IMMP2L: variants seen among roughly 807,000 people sequenced by gnomAD.
IMMP2L encodes inner mitochondrial membrane peptidase subunit 2.
A neutral mutation model predicts 19.3 loss-of-function variants in IMMP2L; 18 were observed. The observed-to-expected ratio is 0.93, with a 90% CI of 0.64 to 1.38. The LOEUF is 1.38. Ranked by LOEUF, IMMP2L falls within the 40% of genes most tolerant of loss-of-function variation. The probability of loss-of-function intolerance (pLI) is 0.00; values close to 1 mark genes in which losing one functional copy is unlikely to be tolerated. For synonymous variants in IMMP2L, 76 were observed against 73.0 expected (o/e 1.04, Z -0.21); for missense variants, 233 against 218.2 (o/e 1.07, Z -0.43).
At chr7:110,927,552 G>C (rs1278671345) in intron 4 of IMMP2L, among the ~76,000 whole-genome samples, 3 of 152,048 alleles carry the variant, frequency 2.0e-5, no homozygotes, top group Non-Finnish European at 4.4e-5. Flanking sequence ...GTAGAAGAAT[G>C]GTCAAGGAGA....
At chr7:111,226,583 C>T (rs1813128090) in intron 3 of IMMP2L, among the ~76,000 whole-genome samples, 1 of 152,040 alleles carries the variant, frequency 6.6e-6, no homozygotes, top group Non-Finnish European at 1.5e-5. Context: ...GATCATTGCG[C>T]TCTTTGATTT....
intron 4 of IMMP2L, among the ~76,000 whole-genome samples, chr7:110,941,675 C>T (rs1340618294): frequency 1.3e-5 from 2 of 152,054 alleles, no homozygotes; most frequent in Non-Finnish European, 2.9e-5. Context: ...AATTGAAATA[C>T]CTTTATGCTT....
At position 111,201,566 on chromosome 7, in the gene IMMP2L, A is replaced by C. The variant is rs371813392; in HGVS notation, c.240-238001T>G. On this transcript the variant is annotated intron_variant, in intron 3 of 5. Transcript: ENST00000405709. ...ACTCATCTCTAAAAAAAATACAAAAAATTTGCTAGGCATGGTGGCATGTAC... is the reference window on the plus strand; with the variant it reads ...ACTCATCTCTAAAAAAAATACAAAACATTTGCTAGGCATGGTGGCATGTAC... Among the ~76,000 whole-genome samples, 17 of 151,928 alleles carry C rather than the reference A, an allele frequency of 1.1e-4. No homozygotes were observed. In the South Asian group the frequency reaches 2.3e-3, roughly 20 times the overall value.
chr7:111,548,905 G>A (rs1292354047), intron 1 of IMMP2L, among the ~76,000 whole-genome samples: 1 of 152,076 alleles, frequency 6.6e-6, no homozygotes, highest in African/African-American at 2.4e-5. Flanking sequence ...AGGAAATAAT[G>A]TGTCTCTGAC....
intron 5 of IMMP2L, among the ~76,000 whole-genome samples, chr7:110,834,359 A>AGTGTGTGT (rs59237816): frequency 1.1e-4 from 17 of 150,364 alleles, no homozygotes; most frequent in South Asian, 1.0e-3. Flanking sequence ...CAAAGTTAAG[A>AGTGTGTGT]GTGTGTGTGT....
At chr7:111,538,840 G>C (rs78818681) in intron 1 of IMMP2L, among the ~76,000 whole-genome samples, 1 of 142,492 alleles carries the variant, frequency 7.0e-6, no homozygotes, top group Non-Finnish European at 1.5e-5. Flanking sequence ...AAAAAAAAAG[G>C]CTGGGCACAG....
intron 3 of IMMP2L, among the ~76,000 whole-genome samples, chr7:111,425,461 G>A (rs1475760581): frequency 2.6e-5 from 4 of 150,974 alleles, no homozygotes; most frequent in Admixed American, 6.6e-5. Context: ...TTAACAATAC[G>A]CATGTTGAAA....
At chr7:110,737,184 T>C (rs552423926) in intron 5 of IMMP2L, among the ~76,000 whole-genome samples, 40 of 152,200 alleles carry the variant, frequency 2.6e-4, no homozygotes, top group African/African-American at 8.7e-4. Context: ...CACAGACCCT[T>C]TGAAGGAACT....
intron 3 of IMMP2L, among the ~76,000 whole-genome samples, chr7:110,996,999 A>T (rs1166101894): frequency 6.6e-6 from 1 of 152,050 alleles, no homozygotes; most frequent in Non-Finnish European, 1.5e-5. Context: ...ATGTAGATTC[A>T]TGTGCCATCA....
chr7:110,693,925 C>A (rs567089568), intron 5 of IMMP2L, among the ~76,000 whole-genome samples: 1 of 152,226 alleles, frequency 6.6e-6, no homozygotes, highest in East Asian at 1.9e-4. Flanking sequence ...GAGACCCTCG[C>A]AAGTGGGAGG....
intron 3 of IMMP2L, among the ~76,000 whole-genome samples, chr7:111,185,221 A>G (rs763002542): frequency 2.2e-4 from 33 of 152,320 alleles, no homozygotes; most frequent in Non-Finnish European, 4.3e-4. Flanking sequence ...AGCTCCAAAC[A>G]AAAATACTGA....
intron 3 of IMMP2L, among the ~76,000 whole-genome samples, chr7:111,021,345 T>C (rs1396272781): frequency 6.6e-6 from 1 of 152,222 alleles, no homozygotes; most frequent in Non-Finnish European, 1.5e-5. Flanking sequence ...AGGTATAAAT[T>C]GAAAGCAGGT....
At chr7:111,032,538 A>T (rs560461841) in intron 3 of IMMP2L, among the ~76,000 whole-genome samples, 7 of 152,250 alleles carry the variant, frequency 4.6e-5, no homozygotes, top group Admixed American at 4.6e-4. Flanking sequence ...TGGGCAAAAC[A>T]GGGCAGAGTC....
At chr7:110,858,867 C>T (rs915257556) in intron 5 of IMMP2L, among the ~76,000 whole-genome samples, 2 of 151,640 alleles carry the variant, frequency 1.3e-5, no homozygotes, top group Non-Finnish European at 1.5e-5. Flanking sequence ...GGTTTTTTGT[C>T]CTTGTGATAG....
At position 111,500,583 on chromosome 7, in the gene IMMP2L, G is replaced by A. The variant is rs1285996193; in HGVS notation, c.136-13242C>T. Among the ~76,000 whole-genome samples the A allele has an allele frequency of 2.6e-5, 4 of 152,136 alleles. No individual in the cohort carries two copies. The East Asian group carries it at 7.7e-4, about 29-fold the overall frequency. On this transcript the variant is annotated intron_variant, in intron 2 of 5. Transcript: ENST00000405709. ...GTACGGGCAGACTGACACCTCACAT[G>A]GCCGGGTACTCCTCTGAGACAAAAC...
chr7:111,384,783 G>A (rs1208039842), intron 3 of IMMP2L, among the ~76,000 whole-genome samples: 1 of 152,046 alleles, frequency 6.6e-6, no homozygotes, highest in Non-Finnish European at 1.5e-5. Flanking sequence ...ATTTCAAAAA[G>A]AGCATTTTAC....
At chr7:111,012,824 T>G (rs1203669783) in intron 3 of IMMP2L, among the ~76,000 whole-genome samples, 1 of 152,192 alleles carries the variant, frequency 6.6e-6, no homozygotes, top group Non-Finnish European at 1.5e-5. Context: ...GAGGGTTCAC[T>G]GTATCTTATT....
chr7:110,772,124 G>T (rs1312657779), intron 5 of IMMP2L, among the ~76,000 whole-genome samples: 1 of 152,134 alleles, frequency 6.6e-6, no homozygotes, highest in Non-Finnish European at 1.5e-5. Flanking sequence ...AGTCAAGGGG[G>T]AGAGAGTGGT....
At chr7:111,337,411 A>G (rs770486696) in intron 3 of IMMP2L, among the ~76,000 whole-genome samples, 22 of 151,974 alleles carry the variant, frequency 1.4e-4, no homozygotes, top group Admixed American at 6.6e-4. Context: ...CATATTTTGC[A>G]GTATCTAACT....
Sources: gnomAD v4.1 joint callset for allele counts (sites outside exome capture counted in the v4.1 genomes callset) on GRCh38, gnomAD v4.1.1 for gene constraint, MANE v1.5 for transcripts, NCBI Gene and HGNC (gene_info 2026-07-23, HGNC 2026-07-21) for gene names.